Variants in EPHA6 observed in about 807,000 individuals in gnomAD.
EPHA6 encodes EPH receptor A6, also known as ephrin type-A receptor 6.
Under a neutral mutation model 112.0 loss-of-function variants are expected in EPHA6, and 50 were observed. The ratio of observed to expected loss-of-function variants is 0.45; its 90% CI spans 0.36 to 0.56. The LOEUF is 0.56. Ranked by LOEUF, EPHA6 falls within the 20% of genes least tolerant of loss-of-function variation. EPHA6 has a pLI of 0.00. For synonymous variants in EPHA6, 529 were observed against 490.7 expected (o/e 1.08, Z -1.03); for missense variants, 1,280 against 1,417.4 (o/e 0.90, Z 1.56).
chr3:97,353,412 G>T (rs1029649126), intron 5 of EPHA6, among the ~76,000 whole-genome samples: 1 of 151,774 alleles, frequency 6.6e-6, no homozygotes, highest in Non-Finnish European at 1.5e-5. Context: ...GACATAACCA[G>T]GCCTGGAATC....
intron 14 of EPHA6, among the ~76,000 whole-genome samples, chr3:97,647,405 AAAATACATC>A (rs1035673597): frequency 1.3e-4 from 20 of 152,110 alleles, no homozygotes; most frequent in African/African-American, 4.8e-4. Context: ...GCCCTGAACT[AAAATACATC>A]AAGCTTTTTC....
intron 4 of EPHA6, among the ~76,000 whole-genome samples, chr3:97,227,027 T>A (rs2078377425): frequency 6.6e-6 from 1 of 152,166 alleles, no homozygotes; most frequent in Non-Finnish European, 1.5e-5. Flanking sequence ...GAATTTTAAA[T>A]GAATTGTATT....
intron 3 of EPHA6, among the ~76,000 whole-genome samples, chr3:97,003,043 T>C (rs1252140033): frequency 1.3e-5 from 2 of 152,124 alleles, no homozygotes; most frequent in African/African-American, 4.8e-5. Flanking sequence ...TGTTATGTTG[T>C]AGGGGTTGAT....
At chr3:97,287,437 C>A (rs557866973) in intron 5 of EPHA6, among the ~76,000 whole-genome samples, 1 of 151,100 alleles carries the variant, frequency 6.6e-6, no homozygotes, top group Non-Finnish European at 1.5e-5. Flanking sequence ...TGCACTCCAG[C>A]GTGGGCAGCA....
chr3:97,479,106 T>G (rs1335990046), intron 8 of EPHA6, among the ~76,000 whole-genome samples, 188 bp from the exon 9 acceptor site: 1 of 152,142 alleles, frequency 6.6e-6, no homozygotes, highest in Non-Finnish European at 1.5e-5. Flanking sequence ...CTTAACAGCA[T>G]TTTATTCTAG....
chr3:97,559,599 GA>G, intron 11 of EPHA6: 1 of 454,982 alleles, frequency 2.2e-6, no homozygotes, highest in Non-Finnish European at 4.4e-6. Context: ...AGAGCCACTG[GA>G]AATGATGACA....
chr3:96,940,999 T>G (rs540853349), intron 2 of EPHA6, among the ~76,000 whole-genome samples: 3 of 152,300 alleles, frequency 2.0e-5, no homozygotes, highest in Non-Finnish European at 4.4e-5. Context: ...CCTTTGTGGG[T>G]AACCCGACCT....
At chr3:96,839,274 A>T (rs1458710745) in intron 1 of EPHA6, among the ~76,000 whole-genome samples, 3 of 151,968 alleles carry the variant, frequency 2.0e-5, no homozygotes, top group African/African-American at 7.2e-5. Flanking sequence ...ACCTCCCGTT[A>T]GATCAGTGGT....
At chr3:96,949,864 C>T (rs796993895) in intron 2 of EPHA6, among the ~76,000 whole-genome samples, 112 of 152,224 alleles carry the variant, frequency 7.4e-4, no homozygotes, top group African/African-American at 2.5e-3. Flanking sequence ...TGTTCTGTAG[C>T]CCAGACTTTT....
At chr3:97,611,260 A>G (rs987035076) in intron 13 of EPHA6, among the ~76,000 whole-genome samples, 1 of 151,862 alleles carries the variant, frequency 6.6e-6, no homozygotes, top group African/African-American at 2.4e-5. Flanking sequence ...ATCTGTATTT[A>G]CCAACAATGA....
chr3:97,481,152 C>T, intron 9 of EPHA6: 5 of 756,624 alleles, frequency 6.6e-6, no homozygotes, highest in East Asian at 3.1e-5. Flanking sequence ...TGTAGAGAGC[C>T]GAGATCACGC....
intron 10 of EPHA6, among the ~76,000 whole-genome samples, chr3:97,507,202 T>C (rs1200470316): frequency 6.6e-6 from 1 of 152,186 alleles, no homozygotes; most frequent in Non-Finnish European, 1.5e-5. Flanking sequence ...AATACTTTGT[T>C]GAATAGGAGT....
chr3:96,886,217 G>A (rs114198683), intron 2 of EPHA6, among the ~76,000 whole-genome samples: 1,851 of 152,206 alleles, frequency 0.012, 36 homozygotes, highest in African/African-American at 0.043. Context: ...GTTTAAGTCC[G>A]TTGTTTCTTT....
intron 11 of EPHA6, among the ~76,000 whole-genome samples, chr3:97,587,373 A>G (rs1236696802): frequency 2.0e-5 from 3 of 152,172 alleles, no homozygotes; most frequent in African/African-American, 7.2e-5. Context: ...TCATTTGTAA[A>G]TCATATATAT....
intron 14 of EPHA6, among the ~76,000 whole-genome samples, chr3:97,681,026 AT>A (rs2107681718): frequency 1.3e-5 from 2 of 152,252 alleles, no homozygotes; most frequent in Non-Finnish European, 2.9e-5. Context: ...ATGATAAGAC[AT>A]TAGATTTTTG....
At chr3:97,016,906 C>T (rs2044285288) in intron 3 of EPHA6, among the ~76,000 whole-genome samples, 1 of 152,150 alleles carries the variant, frequency 6.6e-6, no homozygotes, top group African/African-American at 2.4e-5. Context: ...AAGTTCATTA[C>T]TTTTAATGCT....
intron 2 of EPHA6, among the ~76,000 whole-genome samples, chr3:96,964,072 C>A (rs2042038671): frequency 6.6e-6 from 1 of 152,066 alleles, no homozygotes; most frequent in African/African-American, 2.4e-5. Context: ...ACATGAGATA[C>A]TTTGACATGG....
At chr3:97,352,924 G>A (rs2083887622) in intron 5 of EPHA6, among the ~76,000 whole-genome samples, 1 of 152,126 alleles carries the variant, frequency 6.6e-6, no homozygotes, top group Admixed American at 6.5e-5. Flanking sequence ...GGATATCCAA[G>A]TTGTCTTGTA....
intron 3 of EPHA6, among the ~76,000 whole-genome samples, chr3:97,186,541 C>A (rs1396979643): frequency 1.3e-5 from 2 of 152,054 alleles, no homozygotes; most frequent in Non-Finnish European, 2.9e-5. Context: ...AACACTTTGT[C>A]CAATGAAAAG....
Sources: gnomAD v4.1 joint callset for allele counts (sites outside exome capture counted in the v4.1 genomes callset) on GRCh38, gnomAD v4.1.1 for gene constraint, MANE v1.5 for transcripts, NCBI Gene and HGNC (gene_info 2026-07-23, HGNC 2026-07-21) for gene names.